VPS13B: variants seen among roughly 807,000 people sequenced by gnomAD.
VPS13B encodes the protein intermembrane lipid transfer protein VPS13B.
Under a neutral mutation model 426.4 loss-of-function variants are expected in VPS13B, and 285 were observed. That is an observed-to-expected ratio of 0.67 (90% CI 0.61 to 0.74). The LOEUF is 0.74. Among genes scored for constraint, VPS13B ranks in the 30% least tolerant of loss-of-function variants. The pLI is 0.00. For missense variants in VPS13B, 4,537 were observed against 4,782.6 expected (o/e 0.95, Z 1.51); for synonymous variants, 1,676 against 1,676.4 (o/e 1.00, Z 0.01).
In VPS13B at chr8:99,876,001, A is replaced by AACAGGGCCCTATATGTTC. The variant is rs554420171; in HGVS notation, c.*336_*353dup. ...CCTTCCCCACTTAGAGACAATGATT[A>AACAGGGCCCTATATGTTC]ACAGGGCCCTATATGTTCTTACCAC... On this transcript the variant is annotated 3_prime_UTR_variant, in exon 62 of 62. Coordinates refer to ENST00000357162, the MANE Select transcript of VPS13B (RefSeq NM_152564.5). The AACAGGGCCCTATATGTTC allele has an allele frequency of 0.015, 5,281 of 359,490 alleles. 84 individuals are homozygous for AACAGGGCCCTATATGTTC. Among genetic ancestry groups the AACAGGGCCCTATATGTTC allele is most frequent in the South Asian group, 0.038 (1,417 of 37,266 alleles). 22.3% of individuals were successfully genotyped at this position (359,490 alleles called of 1,614,324 possible).
intron 19 of VPS13B, among the ~76,000 whole-genome samples, chr8:99,310,245 A>G (rs950919080): frequency 4.6e-5 from 7 of 152,328 alleles, no homozygotes; most frequent in African/African-American, 1.7e-4. Flanking sequence ...GAGAGAGGGC[A>G]TCCCTGTCTT....
At chr8:99,148,071 T>TG in intron 14 of VPS13B, 61 bp downstream of exon 14, 2 of 1,362,432 alleles carry the variant, frequency 1.5e-6, no homozygotes, top group Non-Finnish European at 2.0e-6. Context: ...TTTTTTTTTT[T>TG]GTCATTTACT....
chr8:99,431,975 T>A lies in VPS13B; in HGVS notation c.3210+311T>A, dbSNP rs3134187. 0.27 allele frequency among the ~76,000 whole-genome samples: 40,395 copies of A among 151,860 alleles called. 6,131 individuals carry two copies. The highest frequency in any genetic ancestry group is 0.44 in the East Asian group (2,244 of 5,154). On this transcript the variant is annotated intron_variant, in intron 22 of 61. Transcript: ENST00000357162. Reference sequence around the variant, plus strand: ...TTTTAAATTCTTAGTGTTCATATAGTTCCATTCTTATCTCAGAACTGAGAT... The same window carrying A: ...TTTTAAATTCTTAGTGTTCATATAGATCCATTCTTATCTCAGAACTGAGAT...
At chr8:99,268,156 C>T (rs1203852280) in intron 17 of VPS13B, among the ~76,000 whole-genome samples, 1 of 152,150 alleles carries the variant, frequency 6.6e-6, no homozygotes, top group Non-Finnish European at 1.5e-5. Flanking sequence ...TGTGGAAATG[C>T]CTGGATGTCG....
intron 36 of VPS13B, among the ~76,000 whole-genome samples, chr8:99,710,109 A>G (rs1000853897): frequency 6.6e-6 from 1 of 152,214 alleles, no homozygotes; most frequent in African/African-American, 2.4e-5. Flanking sequence ...GTTTTTGGAA[A>G]TTTAGGGAAA....
chr8:99,046,748 A>G (rs904871110), intron 3 of VPS13B, among the ~76,000 whole-genome samples: 2 of 152,154 alleles, frequency 1.3e-5, no homozygotes, highest in Admixed American at 6.5e-5. Flanking sequence ...AGTTTTAATC[A>G]TAAAAGGATG....
intron 3 of VPS13B, among the ~76,000 whole-genome samples, chr8:99,065,489 A>G (rs972168794): frequency 6.6e-6 from 1 of 152,160 alleles, no homozygotes. Context: ...CTCTCAATAA[A>G]CTAGGTATTG....
At chr8:99,074,483 G>GGGTGAGAC (rs1311411010) in intron 3 of VPS13B, among the ~76,000 whole-genome samples, 1 of 150,498 alleles carries the variant, frequency 6.6e-6, no homozygotes, top group East Asian at 2.0e-4. Context: ...ACTCCAGCCT[G>GGGTGAGAC]GGTGAGACAG....
chr8:99,134,288 A>G (rs2132552951), intron 8 of VPS13B, among the ~76,000 whole-genome samples: 1 of 152,350 alleles, frequency 6.6e-6, no homozygotes, highest in East Asian at 1.9e-4. Flanking sequence ...TTTGTTGAAT[A>G]TAAAATGAAC....
At chr8:99,018,373 G>C (rs1841723472) in intron 2 of VPS13B, among the ~76,000 whole-genome samples, 3 of 152,188 alleles carry the variant, frequency 2.0e-5, no homozygotes, top group Admixed American at 2.0e-4. Context: ...GCGACAGAGT[G>C]AGACTCTGTC....
intron 24 of VPS13B, among the ~76,000 whole-genome samples, chr8:99,478,466 G>GTT (rs1382871790): frequency 2.4e-5 from 1 of 41,962 alleles, no homozygotes; most frequent in Non-Finnish European, 4.7e-5. Flanking sequence ...TTTTTTTTTT[G>GTT]TTTTTTGTTT....
intron 5 of VPS13B, among the ~76,000 whole-genome samples, chr8:99,107,351 C>T (rs1847102930): frequency 6.6e-6 from 1 of 151,994 alleles, no homozygotes; most frequent in African/African-American, 2.4e-5. Flanking sequence ...CTTGAACAAA[C>T]ACGTAAAAAA....
rs138662138 is a variant in VPS13B, at chr8:99,074,915, G to A, written c.292-21397G>A. Among the ~76,000 whole-genome samples, 689 of 152,252 alleles carry A rather than the reference G, an allele frequency of 4.5e-3. 3 individuals carry two copies. The highest frequency in any genetic ancestry group is 7.3e-3 in the Non-Finnish European group (497 of 68,024). ...GCTTCCCAAAGTGCTGGGATTATAG[G>A]TGTGAGCCACCACTCCTGGCCTGCA... is the stretch of plus-strand genomic sequence containing the variant. On this transcript the variant is annotated intron_variant, in intron 3 of 61. Transcript: ENST00000357162.
At chr8:99,445,753 T>G (rs1157462967) in intron 23 of VPS13B, among the ~76,000 whole-genome samples, 1 of 152,122 alleles carries the variant, frequency 6.6e-6, no homozygotes, top group Non-Finnish European at 1.5e-5. Flanking sequence ...ATACAGTTCT[T>G]AAAACACTTT....
At chr8:99,435,784 G>A (rs576303298) in intron 22 of VPS13B, among the ~76,000 whole-genome samples, 1 of 152,276 alleles carries the variant, frequency 6.6e-6, no homozygotes, top group South Asian at 2.1e-4. Flanking sequence ...TGTTTGGGTG[G>A]TAGTGATGCT....
At chr8:99,097,055 C>T (rs1019671643) in intron 4 of VPS13B, among the ~76,000 whole-genome samples, 37 of 152,144 alleles carry the variant, frequency 2.4e-4, no homozygotes, top group African/African-American at 8.9e-4. Context: ...ATACATATTC[C>T]TCTGATCAAA....
chr8:99,428,500 A>G (rs1290053167), intron 21 of VPS13B, among the ~76,000 whole-genome samples: 1 of 152,236 alleles, frequency 6.6e-6, no homozygotes, highest in African/African-American at 2.4e-5. Context: ...TCTCAAGAGA[A>G]GACATTTTTG....
intron 19 of VPS13B, among the ~76,000 whole-genome samples, chr8:99,315,022 T>G (rs1174232753): frequency 6.6e-6 from 1 of 152,216 alleles, no homozygotes; most frequent in Non-Finnish European, 1.5e-5. Context: ...GAGATGAGTT[T>G]CTTGTCGGCA....
chr8:99,697,799 A>G, intron 35 of VPS13B: 1 of 616,834 alleles, frequency 1.6e-6, no homozygotes, highest in Non-Finnish European at 3.1e-6. Flanking sequence ...GAAGCAAGTC[A>G]GGCACATTCC....
Sources: gnomAD v4.1 joint callset for allele counts (sites outside exome capture counted in the v4.1 genomes callset) on GRCh38, gnomAD v4.1.1 for gene constraint, MANE v1.5 for transcripts, NCBI Gene and HGNC (gene_info 2026-07-23, HGNC 2026-07-21) for gene names.